Variants in SPI1 observed in about 807,000 individuals in gnomAD.
SPI1 encodes the protein Spi-1 proto-oncogene.
SPI1 carries 3 observed loss-of-function variants against 30.7 expected under a neutral mutation model. The ratio of observed to expected loss-of-function variants is 0.10; its 90% confidence interval spans 0.04 to 0.25. The LOEUF (loss-of-function observed/expected upper bound fraction) is 0.25. SPI1 is among the 10% of genes least tolerant of loss of function. The pLI is 1.00. For synonymous variants in SPI1, 169 were observed against 157.1 expected, an observed-to-expected ratio of 1.08 and a Z score of -0.56; for missense variants, 261 against 371.5, an observed-to-expected ratio of 0.70 and a Z score of 2.45.
At chr11:47,369,996 G>A (rs2095933549) in intron 2 of SPI1, among the ~76,000 whole-genome samples, 1 of 152,242 alleles carries the variant, frequency 6.6e-6, no homozygotes, top group African/African-American at 2.4e-5. Flanking sequence ...GCACAGAGAG[G>A]TTGGAGATCT....
chr11:47,359,055 C>G lies in SPI1; in HGVS notation c.331-49G>C. ...AGAGTCAGGAAGGGCCAGCTTACAGCTCAGGGGGGCTGGGAGGGAGGTCAG... is the reference window on the plus strand; with the variant it reads ...AGAGTCAGGAAGGGCCAGCTTACAGGTCAGGGGGGCTGGGAGGGAGGTCAG... On this transcript the variant is annotated intron_variant, in intron 3 of 4. Transcript: ENST00000378538. The surrounding 1 kb of genome is among the most constrained non-coding windows in gnomAD (Gnocchi z 5.1). 1 of 1,491,060 alleles carries G rather than the reference C, an allele frequency of 6.7e-7. No homozygotes were observed. Among genetic ancestry groups the G allele is most frequent in the Non-Finnish European group, 8.9e-7 (1 of 1,118,936 alleles). 92.4% of individuals were successfully genotyped at this position (1,491,060 alleles called of 1,614,324 possible).
intron 4 of SPI1, chr11:47,358,490 A>G: frequency 1.5e-6 from 1 of 651,958 alleles, no homozygotes; most frequent in Non-Finnish European, 2.8e-6. Context: ...TCTCACATTC[A>G]CCTTCTCACA....
intron 2 of SPI1, among the ~76,000 whole-genome samples, chr11:47,362,571 T>TC (rs57428326): frequency 1.1e-3 from 16 of 14,904 alleles, no homozygotes; most frequent in Non-Finnish European, 1.7e-3. Flanking sequence ...ACCCTGTCTC[T>TC]TTTTTTTTTT....
chr11:47,376,635 GTCC>G (rs201303641), intron 1 of SPI1, among the ~76,000 whole-genome samples: 2,217 of 139,742 alleles, frequency 0.016, 30 homozygotes, highest in African/African-American at 0.043. Context: ...CCTCTTCCCT[GTCC>G]TCCTTCTTTC....
chr11:47,374,869 G>A lies in SPI1; in HGVS notation c.142+764C>T, dbSNP rs964423084. Among the ~76,000 whole-genome samples the A allele has an allele frequency of 3.9e-5, 6 of 152,244 alleles. No individual in the cohort carries two copies. The highest frequency in any genetic ancestry group is 1.4e-4 in the African/African-American group (6 of 41,458). ...CCCAGAAGGACTGGACAGACAGAAG[G>A]ACACCCTGGCCCAGGCCTCTTCCTC... is the stretch of plus-strand genomic sequence containing the variant. On this transcript the variant is annotated intron_variant, in intron 2 of 4. Transcript: ENST00000378538. This position sits in a 1 kb window ranked among gnomAD's most constrained non-coding sequence, Gnocchi z 4.5.
chr11:47,366,800 G>A (rs2095928749), intron 2 of SPI1, among the ~76,000 whole-genome samples: 1 of 146,030 alleles, frequency 6.8e-6, no homozygotes, highest in Admixed American at 7.2e-5. Flanking sequence ...CAGCCTGGAC[G>A]ATAAGAGTGG....
At chr11:47,356,500 ACT>A (rs985614206) in intron 4 of SPI1, among the ~76,000 whole-genome samples, 78 of 123,408 alleles carry the variant, frequency 6.3e-4, no homozygotes, top group African/African-American at 2.5e-3. Context: ...ACCTTCTCAC[ACT>A]CATATGCCCA....
chr11:47,359,810 G>A lies in SPI1; in HGVS notation c.330+43C>T. ...GTGAAGCTCCCGGGCCCCACCACAGGCCTGGCAGTCTCCTGGGGGACGGGG... is the reference window on the plus strand; with the variant it reads ...GTGAAGCTCCCGGGCCCCACCACAGACCTGGCAGTCTCCTGGGGGACGGGG... On this transcript the variant is annotated intron_variant, in intron 3 of 4. Coordinates refer to ENST00000378538, the MANE Select transcript of SPI1 (RefSeq NM_003120.3). The surrounding 1 kb of genome is among the most constrained non-coding windows in gnomAD (Gnocchi z 5.1). 1 of 1,591,478 alleles carries A rather than the reference G, an allele frequency of 6.3e-7. No individual in the cohort carries two copies. The highest frequency in any genetic ancestry group is 8.5e-7 in the Non-Finnish European group (1 of 1,173,438).
chr11:47,360,839 C>T (rs1398668310), intron 2 of SPI1, among the ~76,000 whole-genome samples: 1 of 120,218 alleles, frequency 8.3e-6, no homozygotes, highest in Admixed American at 8.8e-5. Context: ...AAAAAAAACT[C>T]GGCCGGGCGC....
chr11:47,361,569 A>G (rs549636534), intron 2 of SPI1, among the ~76,000 whole-genome samples: 2 of 152,268 alleles, frequency 1.3e-5, no homozygotes, highest in East Asian at 3.9e-4. Context: ...GGGGTCCAAA[A>G]TGAAGCGTGG....
In SPI1 at chr11:47,375,583, G is replaced by A. The variant is rs1237460476; in HGVS notation, c.142+50C>T. The A allele has an allele frequency of 7.2e-7, 1 of 1,391,254 alleles. No individual in the cohort carries two copies. The highest frequency in any genetic ancestry group is 1.0e-6 in the Non-Finnish European group (1 of 977,230). 86.2% of individuals were successfully genotyped at this position (1,391,254 alleles called of 1,614,324 possible). A position where few individuals can be genotyped will look rare whatever the true frequency, so the allele number is the denominator to read the frequency against. On this transcript the variant is annotated intron_variant, in intron 2 of 4. Transcript: ENST00000378538. The surrounding 1 kb of genome is among the most constrained non-coding windows in gnomAD (Gnocchi z 4.2). ...ATTCTTTTTCTCTCTCCAGACCCCA[G>A]GAGCCCAGGCTGGGCTGGGGGATGG...
At chr11:47,372,955 T>G (rs1448632119) in intron 2 of SPI1, among the ~76,000 whole-genome samples, 1 of 152,222 alleles carries the variant, frequency 6.6e-6, no homozygotes, top group Non-Finnish European at 1.5e-5. Flanking sequence ...TCACTAAGCT[T>G]CAGTACCTAA....
intron 4 of SPI1, 21 bp downstream of exon 4, chr11:47,358,823 G>A: frequency 6.5e-7 from 1 of 1,548,610 alleles, no homozygotes. Flanking sequence ...CGGGGCCAGG[G>A]TGGAGGGCCA....
At chr11:47,363,110 C>T (rs2095923273) in intron 2 of SPI1, among the ~76,000 whole-genome samples, 1 of 152,196 alleles carries the variant, frequency 6.6e-6, no homozygotes, top group Non-Finnish European at 1.5e-5. Flanking sequence ...AGCATGGCAC[C>T]ATGAGGGCAG....
intron 4 of SPI1, among the ~76,000 whole-genome samples, chr11:47,356,671 TCA>T (rs1307936052): frequency 1.8e-4 from 27 of 151,048 alleles, no homozygotes; most frequent in Admixed American, 1.7e-3. Context: ...CTGCTCACCC[TCA>T]CACCTTACAT....
chr11:47,358,667 TAC>T (rs199611685), intron 4 of SPI1, 175 bp downstream of exon 4: 142 of 728,218 alleles, frequency 1.9e-4, no homozygotes, highest in Middle Eastern at 1.1e-3. Flanking sequence ...ACACAGCAGA[TAC>T]ACACACACAG....
chr11:47,358,568 C>T (rs1249606901), intron 4 of SPI1: 6 of 700,612 alleles, frequency 8.6e-6, no homozygotes, highest in African/African-American at 1.7e-5. Context: ...CCTCTGCACA[C>T]TTGCTCACAC....
Position 47,359,042 on chromosome 11 carries a change from G to GGCCA in SPI1, c.331-40_331-37dup, listed in dbSNP as rs1565638044. 1 of 1,506,904 alleles carries GGCCA rather than the reference G, an allele frequency of 6.6e-7. No homozygotes were observed. The highest frequency in any genetic ancestry group is 8.9e-7 in the Non-Finnish European group (1 of 1,129,836). 93.3% of individuals were successfully genotyped at this position (1,506,904 alleles called of 1,614,324 possible). A position where few individuals can be genotyped will look rare whatever the true frequency, so the allele number is the denominator to read the frequency against. On this transcript the variant is annotated intron_variant, in intron 3 of 4. Transcript: ENST00000378538. The surrounding 1 kb of genome is among the most constrained non-coding windows in gnomAD (Gnocchi z 5.1). ...GGGGAAGGAGATCAGAGTCAGGAAG[G>GGCCA]GCCAGCTTACAGCTCAGGGGGGCTG...
At position 47,355,801 on chromosome 11, in the gene SPI1, CCA is replaced by C. The variant is rs137913475; in HGVS notation, c.494-257_494-256del. On this transcript the variant is annotated intron_variant, in intron 4 of 4. Transcript: ENST00000378538. ...CCCCCCCACGCGCACACACTCGCACCCACACAGTGCACCAAGTACACACACAT... is the reference window on the plus strand; with the variant it reads ...CCCCCCCACGCGCACACACTCGCACCCACAGTGCACCAAGTACACACACAT... Among the ~76,000 whole-genome samples the C allele has an allele frequency of 6.2e-3, 914 of 148,024 alleles. 10 individuals carry two copies. The highest frequency in any genetic ancestry group is 0.021 in the African/African-American group (846 of 40,004).
Sources: gnomAD v4.1 joint callset for allele counts (sites outside exome capture counted in the v4.1 genomes callset) on GRCh38, gnomAD v4.1.1 for gene constraint, Gnocchi (gnomAD v3.1) non-coding constraint, MANE v1.5 for transcripts, NCBI Gene and HGNC (gene_info 2026-07-23, HGNC 2026-07-21) for gene names.